The following SPDL1 variants were observed in gnomAD, a reference collection of about 807,000 sequenced individuals.
SPDL1 encodes the protein protein Spindly.
SPDL1 carries 85 observed loss-of-function variants against 79.5 expected under a neutral mutation model. The observed-to-expected ratio is 1.07, with a 90% confidence interval of 0.90 to 1.28. The LOEUF is 1.28. Ranked by LOEUF, SPDL1 falls within the 50% of genes most tolerant of loss-of-function variation. SPDL1 has a pLI of 0.00. For missense variants in SPDL1, 703 were observed against 697.8 expected, an observed-to-expected ratio of 1.01 and a Z score of -0.08; for synonymous variants, 269 against 240.3, an observed-to-expected ratio of 1.12 and a Z score of -1.10.
At chr5:169,586,822 T>C (rs1209292451) in intron 1 of SPDL1, among the ~76,000 whole-genome samples, 1 of 152,320 alleles carries the variant, frequency 6.6e-6, no homozygotes, top group Admixed American at 6.5e-5. Flanking sequence ...CTTGTTCCCC[T>C]TCTAAACTAG....
intron 1 of SPDL1, among the ~76,000 whole-genome samples, chr5:169,584,733 C>T (rs1754892820): frequency 6.6e-6 from 1 of 151,534 alleles, no homozygotes; most frequent in Admixed American, 6.6e-5. Flanking sequence ...CACTTCGCGT[C>T]TTAACTTGCG....
At chr5:169,603,565 A>G (rs907846530) in intron 11 of SPDL1, among the ~76,000 whole-genome samples, 1 of 152,184 alleles carries the variant, frequency 6.6e-6, no homozygotes, top group Non-Finnish European at 1.5e-5. Flanking sequence ...TTAGACTTAA[A>G]AAATAATTGG....
chr5:169,587,222 T>A (rs1330426539), intron 1 of SPDL1: 1 of 152,244 alleles, frequency 6.6e-6, no homozygotes, highest in Non-Finnish European at 1.5e-5. Flanking sequence ...GAGCTTTTTT[T>A]TCGTCCATTT....
intron 1 of SPDL1, 61 bp from the exon 2 acceptor site, chr5:169,588,333 T>G: frequency 9.5e-6 from 11 of 1,152,516 alleles, no homozygotes; most frequent in Non-Finnish European, 1.3e-5. Context: ...CTTCTGTTAT[T>G]GATATTATTG....
chr5:169,598,365 G>T (rs543958560), intron 8 of SPDL1, 111 bp from the exon 9 acceptor site: 7 of 675,366 alleles, frequency 1.0e-5, no homozygotes, highest in Admixed American at 5.1e-5. Context: ...AGTTCTTAGC[G>T]TAGTACGCCA....
Position 169,601,567 on chromosome 5 carries a change from G to A in SPDL1, c.1612G>A (p.Val538Ile), listed in dbSNP as rs763859880. The A allele has an allele frequency of 3.7e-6, 6 of 1,614,174 alleles. No individual in the cohort carries two copies. The highest frequency in any genetic ancestry group is 5.1e-6 in the Non-Finnish European group (6 of 1,180,048). ...AAAGAAATGTGTGAAACTCATAGGA[G>A]TTCCCGCTGACGCTGAGGCCTTAAG... ...KEKKCVKLIG[V>I]PADAEALSER... The change falls in exon 11 of 12, where the codon GTT becomes ATT. Residue 538 changes from valine to isoleucine, a missense_variant. Coordinates refer to ENST00000265295, the MANE Select transcript of SPDL1 (RefSeq NM_017785.5).
intron 2 of SPDL1, among the ~76,000 whole-genome samples, chr5:169,589,707 CT>C (rs564425889): frequency 2.0e-3 from 289 of 141,300 alleles, no homozygotes; most frequent in African/African-American, 1.9e-3. Context: ...TTTCTTTTTT[CT>C]TTTTTTTTTT....
rs1310653013 is a variant in SPDL1, at chr5:169,604,685, G to A, written c.*478G>A. 6.6e-6 allele frequency: 1 copy of A among 152,128 alleles called. No homozygotes were observed. Among genetic ancestry groups the A allele is most frequent in the Admixed American group, 6.5e-5 (1 of 15,270 alleles). 9.4% of individuals were successfully genotyped at this position (152,128 alleles called of 1,614,324 possible). ...ATTATATTGTTTCAGGATTTTGTCA[G>A]TGTTTAAAGAACCAATGTTCATCTT... On this transcript the variant is annotated 3_prime_UTR_variant, in exon 12 of 12. Transcript: ENST00000265295.
chr5:169,601,455 A>G lies in SPDL1; in HGVS notation c.1500A>G (p.Gln500=). ...ACAGTTTAGAAGATAACAACTTGCA[A>G]TTAGAAAAATCAGTTTCTATATACA... The part of the protein sequence containing the change: ...CPNSLEDNNL[Q]LEKSVSIYTP... Residue 500 remains glutamine, a synonymous_variant, in exon 11 of 12, where the codon CAA becomes CAG. Transcript: ENST00000265295. 2.5e-6 allele frequency: 4 copies of G among 1,614,192 alleles called. No homozygotes were observed. Among genetic ancestry groups the G allele is most frequent in the East Asian group, 4.5e-5 (2 of 44,874 alleles).
chr5:169,584,065 C>T (rs73312497), intron 1 of SPDL1, 176 bp downstream of exon 1: 8,050 of 152,316 alleles, frequency 0.053, 246 homozygotes, highest in Non-Finnish European at 0.058. Context: ...TTATCTTCCG[C>T]TGGACCACCT....
At chr5:169,601,847 T>C in intron 11 of SPDL1, 1 of 621,950 alleles carries the variant, frequency 1.6e-6, no homozygotes, top group Non-Finnish European at 2.9e-6. Context: ...CATTAAAAAG[T>C]TACACGTTTC....
chr5:169,588,013 G>A (rs572022283), intron 1 of SPDL1, among the ~76,000 whole-genome samples: 183 of 152,148 alleles, frequency 1.2e-3, no homozygotes, highest in African/African-American at 4.2e-3. Context: ...GCTACTATGA[G>A]GTTTCTTGAT....
chr5:169,594,505 A>G lies in SPDL1; in HGVS notation c.780+13A>G. ...TTTGTTTGCAGAGGTACTTATAAGTATCCTAACTACTAAATTGGTATTTTC... is the reference window on the plus strand; with the variant it reads ...TTTGTTTGCAGAGGTACTTATAAGTGTCCTAACTACTAAATTGGTATTTTC... On this transcript the variant is annotated intron_variant, in intron 6 of 11. Transcript: ENST00000265295. 1 of 1,612,860 alleles carries G rather than the reference A, an allele frequency of 6.2e-7. No homozygotes were observed. The highest frequency in any genetic ancestry group is 1.1e-5 in the South Asian group (1 of 91,058).
At chr5:169,588,309 G>A (rs1392715324) in intron 1 of SPDL1, 85 bp from the exon 2 acceptor site, 39 of 907,142 alleles carry the variant, frequency 4.3e-5, no homozygotes, top group Non-Finnish European at 6.3e-5. Flanking sequence ...CAGTAGTATT[G>A]AGTAGATATG....
At position 169,596,716 on chromosome 5, in the gene SPDL1, TAAAA is replaced by T. The variant is rs570682508; in HGVS notation, c.1032+19_1032+22del. 5.8e-6 allele frequency: 9 copies of T among 1,549,816 alleles called. No individual in the cohort carries two copies. Among genetic ancestry groups the T allele is most frequent in the East Asian group, 4.7e-5 (2 of 42,134 alleles). ...AGAAATTTAAGGTATGTATAACAGT[TAAAA>T]AAACACACATCCAAATTTTGATTTG... On this transcript the variant is annotated intron_variant, in intron 8 of 11. Coordinates refer to ENST00000265295, the MANE Select transcript of SPDL1 (RefSeq NM_017785.5).
chr5:169,601,975 A>T, intron 11 of SPDL1: 5 of 316,068 alleles, frequency 1.6e-5, no homozygotes, highest in South Asian at 1.6e-4. Flanking sequence ...AAATTAACTT[A>T]CTTTCTCAAA....
At chr5:169,589,644 C>T (rs1009742915) in intron 2 of SPDL1, among the ~76,000 whole-genome samples, 3 of 151,556 alleles carry the variant, frequency 2.0e-5, no homozygotes, top group South Asian at 2.1e-4. Context: ...GTCACTTCAG[C>T]GGAGAGGTCA....
chr5:169,601,595 AAAG>A lies in SPDL1; in HGVS notation c.1644_1646del (p.Arg548del). ...CCCGCTGACGCTGAGGCCTTAAGTG[AAAG>A]AAGTGGAAACACCCCTAACTCTCCC... On this transcript the variant is annotated inframe_deletion, in exon 11 of 12. Transcript: ENST00000265295. The A allele has an allele frequency of 6.2e-7, 1 of 1,614,160 alleles. No individual in the cohort carries two copies. The highest frequency in any genetic ancestry group is 8.5e-7 in the Non-Finnish European group (1 of 1,180,030).
At chr5:169,600,461 A>G (rs1755822565) in intron 10 of SPDL1, among the ~76,000 whole-genome samples, 1 of 152,184 alleles carries the variant, frequency 6.6e-6, no homozygotes, top group Non-Finnish European at 1.5e-5. Context: ...GAAAAAGGGG[A>G]AATCATGGTC....
Sources: gnomAD v4.1 joint callset for allele counts (sites outside exome capture counted in the v4.1 genomes callset) on GRCh38, gnomAD v4.1.1 for gene constraint, MANE v1.5 for transcripts, NCBI Gene and HGNC (gene_info 2026-07-23, HGNC 2026-07-21) for gene names.